THSD7A: variants seen among roughly 807,000 people sequenced by gnomAD.
The protein encoded by THSD7A is thrombospondin type 1 domain containing 7A.
In THSD7A, 96 loss-of-function variants were observed where a neutral mutation model predicts 231.3. That is an observed-to-expected ratio of 0.41 (90% confidence interval 0.35 to 0.49). THSD7A has a LOEUF of 0.49. THSD7A is among the 20% of genes least tolerant of loss of function. THSD7A has a pLI of 0.05. For missense variants in THSD7A, 2,290 were observed against 2,070.2 expected (o/e 1.11, Z -2.06); for synonymous variants, 940 against 743.3 (o/e 1.26, Z -4.30).
At chr7:11,481,170 C>A (rs1379352124) in intron 7 of THSD7A, among the ~76,000 whole-genome samples, 1 of 152,068 alleles carries the variant, frequency 6.6e-6, no homozygotes, top group Non-Finnish European at 1.5e-5. Flanking sequence ...ATAAAGCTTG[C>A]AAGTGAGGTC....
intron 1 of THSD7A, among the ~76,000 whole-genome samples, chr7:11,744,587 C>T (rs1006074928): frequency 7.3e-6 from 1 of 136,198 alleles, no homozygotes; most frequent in African/African-American, 2.7e-5. Context: ...TGCTATCCTT[C>T]CCCCCTCCCC....
chr7:11,462,532 T>G (rs1210185085), intron 9 of THSD7A, among the ~76,000 whole-genome samples: 1 of 152,232 alleles, frequency 6.6e-6, no homozygotes, highest in African/African-American at 2.4e-5. Flanking sequence ...CACATGGGAC[T>G]CATACACATG....
chr7:11,380,142 A>G (rs964757304), intron 24 of THSD7A, among the ~76,000 whole-genome samples: 3 of 152,182 alleles, frequency 2.0e-5, no homozygotes, highest in Non-Finnish European at 4.4e-5. Context: ...CTTTATGTTA[A>G]ATAAATGTTT....
At chr7:11,548,438 GA>G (rs912950736) in intron 4 of THSD7A, among the ~76,000 whole-genome samples, 2 of 152,042 alleles carry the variant, frequency 1.3e-5, no homozygotes, top group African/African-American at 4.8e-5. Context: ...TATATATAAA[GA>G]AGAGCTAGTA....
chr7:11,607,827 T>C (rs1424770715), intron 2 of THSD7A, among the ~76,000 whole-genome samples: 1 of 152,102 alleles, frequency 6.6e-6, no homozygotes, highest in East Asian at 1.9e-4. Flanking sequence ...GAAAATCTTT[T>C]GTTGAGCTGC....
chr7:11,721,638 G>C (rs1253016441), intron 1 of THSD7A, among the ~76,000 whole-genome samples: 1 of 151,788 alleles, frequency 6.6e-6, no homozygotes, highest in African/African-American at 2.4e-5. Flanking sequence ...CTCTCATCTG[G>C]ATTACTACTG....
At chr7:11,560,702 T>C (rs1425535694) in intron 4 of THSD7A, among the ~76,000 whole-genome samples, 1 of 152,150 alleles carries the variant, frequency 6.6e-6, no homozygotes, top group Non-Finnish European at 1.5e-5. Flanking sequence ...ATAATGTCAT[T>C]TCTGATATCC....
At chr7:11,664,658 A>G (rs1269817630) in intron 1 of THSD7A, among the ~76,000 whole-genome samples, 1 of 151,974 alleles carries the variant, frequency 6.6e-6, no homozygotes, top group South Asian at 2.1e-4. Context: ...TGACAGATAC[A>G]TACTTTCCAA....
At chr7:11,739,232 C>T (rs1327758524) in intron 1 of THSD7A, among the ~76,000 whole-genome samples, 1 of 151,952 alleles carries the variant, frequency 6.6e-6, no homozygotes, top group African/African-American at 2.4e-5. Flanking sequence ...TTTTAAGAAA[C>T]ATGACATAAA....
At chr7:11,753,221 T>C (rs939381974) in intron 1 of THSD7A, among the ~76,000 whole-genome samples, 3 of 152,096 alleles carry the variant, frequency 2.0e-5, no homozygotes, top group African/African-American at 7.2e-5. Flanking sequence ...GAAGCTTATA[T>C]GAAAATTATT....
At chr7:11,458,771 G>T (rs190509192) in intron 11 of THSD7A, among the ~76,000 whole-genome samples, 1 of 152,166 alleles carries the variant, frequency 6.6e-6, no homozygotes, top group East Asian at 1.9e-4. Context: ...ACAGTTTTCC[G>T]ATTTGGAAAT....
chr7:11,652,042 C>T (rs186401211), intron 1 of THSD7A, among the ~76,000 whole-genome samples: 47 of 151,774 alleles, frequency 3.1e-4, no homozygotes, highest in Non-Finnish European at 5.7e-4. Context: ...TATTTTATTC[C>T]TTAATTCTTT....
chr7:11,615,692 C>T (rs1460949753), intron 2 of THSD7A, among the ~76,000 whole-genome samples: 1 of 152,096 alleles, frequency 6.6e-6, no homozygotes, highest in Admixed American at 6.6e-5. Flanking sequence ...AGTACAAGAG[C>T]ACAACCTTTT....
At chr7:11,428,868 C>G in intron 14 of THSD7A, 79 bp downstream of exon 14, 1 of 1,478,626 alleles carries the variant, frequency 6.8e-7, no homozygotes, top group Non-Finnish European at 9.1e-7. Flanking sequence ...GCTATTATTT[C>G]CTCTTCTCCA....
chr7:11,399,515 T>C (rs1222916833), intron 23 of THSD7A, among the ~76,000 whole-genome samples: 1 of 152,210 alleles, frequency 6.6e-6, no homozygotes, highest in Non-Finnish European at 1.5e-5. Flanking sequence ...TTCCATTTCC[T>C]TTTTGCTTTT....
intron 4 of THSD7A, among the ~76,000 whole-genome samples, chr7:11,551,421 G>T (rs566869749): frequency 3.9e-5 from 6 of 152,210 alleles, no homozygotes; most frequent in Non-Finnish European, 8.8e-5. Context: ...CTTACAAAGT[G>T]AGAGAAAATA....
intron 1 of THSD7A, among the ~76,000 whole-genome samples, chr7:11,644,893 C>G (rs1020657180): frequency 6.6e-6 from 1 of 151,882 alleles, no homozygotes; most frequent in South Asian, 2.1e-4. Context: ...TTGTGAATTG[C>G]CTTTCTTTTA....
chr7:11,387,443 T>G (rs559019710), intron 23 of THSD7A, among the ~76,000 whole-genome samples: 34 of 152,122 alleles, frequency 2.2e-4, no homozygotes, highest in Non-Finnish European at 4.7e-4. Flanking sequence ...TCGTAGGTTG[T>G]ATTCCTAGGT....
At chr7:11,664,011 T>C (rs1412264331) in intron 1 of THSD7A, among the ~76,000 whole-genome samples, 3 of 149,502 alleles carry the variant, frequency 2.0e-5, no homozygotes, top group Non-Finnish European at 3.0e-5. Flanking sequence ...AGAGTGAAAA[T>C]AGAAGTGCTC....
Sources: allele counts gnomAD v4.1 joint callset (sites outside exome capture counted in the v4.1 genomes callset), GRCh38; gene constraint gnomAD v4.1.1; transcripts MANE v1.5; gene names NCBI Gene and HGNC (gene_info 2026-07-23, HGNC 2026-07-21).